Variants in ADGRG5 observed in about 807,000 individuals in gnomAD.
The protein encoded by ADGRG5 is G protein-coupled receptor 114.
ADGRG5 carries 37 observed loss-of-function variants against 53.2 expected under a neutral mutation model. The observed-to-expected ratio is 0.70, with a 90% CI of 0.53 to 0.91. The LOEUF is 0.91. ADGRG5 is among the 40% of genes least tolerant of loss of function. The pLI is 0.00. For missense variants in ADGRG5, 614 were observed against 675.8 expected (o/e 0.91, Z 1.01); for synonymous variants, 277 against 290.4 (o/e 0.95, Z 0.47).
chr16:57,548,728 T>G (rs1163791688), intron 1 of ADGRG5, among the ~76,000 whole-genome samples: 2 of 151,942 alleles, frequency 1.3e-5, no homozygotes, highest in East Asian at 1.9e-4. Flanking sequence ...GCTTTTTTTT[T>G]TTTTTTTTTG....
chr16:57,564,366 G>A (rs1381115216), intron 5 of ADGRG5, among the ~76,000 whole-genome samples: 1 of 150,068 alleles, frequency 6.7e-6, no homozygotes, highest in Non-Finnish European at 1.5e-5. Context: ...CTGGAGTGCA[G>A]TGGCATGATC....
At chr16:57,572,292 A>G (rs2033384759) in intron 10 of ADGRG5, among the ~76,000 whole-genome samples, 1 of 151,974 alleles carries the variant, frequency 6.6e-6, no homozygotes, top group South Asian at 2.1e-4. Flanking sequence ...TGGCTAACAC[A>G]GTGAAACCCC....
the ADGRG5 span, among the ~76,000 whole-genome samples, chr16:57,537,441 CG>C: frequency 2.1e-4 from 32 of 152,278 alleles, no homozygotes; most frequent in South Asian, 6.6e-3. Context: ...CCGTGATTAA[CG>C]GAGTTTAGAT....
Position 57,575,478 on chromosome 16 carries a change from C to A in ADGRG5, c.1527C>A (p.Arg509=). The A allele has an allele frequency of 6.2e-7, 1 of 1,614,192 alleles. No individual in the cohort carries two copies. The highest frequency in any genetic ancestry group is 8.5e-7 in the Non-Finnish European group (1 of 1,179,998). ...LFLWFCSQRC[R]SEAEAKAQIE... Reference sequence around the variant, plus strand: ...TGTGGTTCTGCTCCCAGCGGTGCCGCTCAGAAGCAGAGGCCAAGGCACAGA... The same window carrying A: ...TGTGGTTCTGCTCCCAGCGGTGCCGATCAGAAGCAGAGGCCAAGGCACAGA... The change falls in exon 12 of 12, where the codon CGC becomes CGA. Residue 509 remains arginine (R), a synonymous_variant. Coordinates refer to ENST00000349457, the MANE Select transcript of ADGRG5 (RefSeq NM_001304376.3).
the ADGRG5 span, among the ~76,000 whole-genome samples, chr16:57,535,234 G>GT: frequency 6.6e-6 from 1 of 152,184 alleles, no homozygotes; most frequent in Non-Finnish European, 1.5e-5. Flanking sequence ...CAGGACCTCT[G>GT]GGGGGAGCTG....
intron 9 of ADGRG5, among the ~76,000 whole-genome samples, chr16:57,569,718 C>T (rs373706754): frequency 1.3e-5 from 2 of 151,226 alleles, no homozygotes; most frequent in East Asian, 2.0e-4. Context: ...CTATCACCAT[C>T]GTCATCACAT....
At chr16:57,551,178 G>A (rs775541248) in intron 1 of ADGRG5, among the ~76,000 whole-genome samples, 6 of 152,136 alleles carry the variant, frequency 3.9e-5, no homozygotes, top group Admixed American at 6.5e-5. Flanking sequence ...CAAATCACAC[G>A]CTTTTTTGCT....
At chr16:57,561,129 G>C (rs757132422) in intron 1 of ADGRG5, among the ~76,000 whole-genome samples, 3 of 152,188 alleles carry the variant, frequency 2.0e-5, no homozygotes, top group Non-Finnish European at 2.9e-5. Flanking sequence ...AGAGGTTACT[G>C]ATGCCCCCAG....
At chr16:57,562,718 G>T (rs568665750) in intron 3 of ADGRG5, 18 of 552,732 alleles carry the variant, frequency 3.3e-5, no homozygotes, top group Non-Finnish European at 5.5e-5. Flanking sequence ...TTCCTGGGAA[G>T]GGGGTCTAAG....
intron 1 of ADGRG5, among the ~76,000 whole-genome samples, chr16:57,548,193 T>A (rs1187364345): frequency 2.6e-5 from 4 of 151,538 alleles, no homozygotes; most frequent in Non-Finnish European, 5.9e-5. Flanking sequence ...TTTTTTTTTT[T>A]AAAGAATACA....
At chr16:57,537,954 TCAGA>T (rs1438089177), upstream of ADGRG5, among the ~76,000 whole-genome samples, 1 of 152,168 alleles carries the variant, frequency 6.6e-6, no homozygotes, top group African/African-American at 2.4e-5. Flanking sequence ...GGCTCTTGGC[TCAGA>T]CTTGCACAAG....
intron 10 of ADGRG5, among the ~76,000 whole-genome samples, chr16:57,573,521 G>C (rs1390496266): frequency 6.6e-6 from 1 of 152,092 alleles, no homozygotes; most frequent in African/African-American, 2.4e-5. Context: ...TACAGTGTGG[G>C]AGTGGGCCAG....
chr16:57,563,272 G>A (rs1240715437), intron 4 of ADGRG5, 25 bp downstream of exon 4: 2 of 1,608,472 alleles, frequency 1.2e-6, no homozygotes, highest in South Asian at 1.1e-5. Flanking sequence ...GTTGGGGGGT[G>A]TGGCCAGCTG....
chr16:57,535,512 A>G, the ADGRG5 span, among the ~76,000 whole-genome samples: 2 of 151,944 alleles, frequency 1.3e-5, no homozygotes, highest in African/African-American at 4.8e-5. Context: ...GATCTTAGCC[A>G]CCTGAGGGGC....
chr16:57,548,585 C>T (rs571351838), intron 1 of ADGRG5, among the ~76,000 whole-genome samples: 6 of 152,070 alleles, frequency 3.9e-5, no homozygotes, highest in Non-Finnish European at 8.8e-5. Flanking sequence ...ATCCCTTGTG[C>T]GAGACCTTTA....
chr16:57,566,942 G>A (rs1301934099), intron 7 of ADGRG5, among the ~76,000 whole-genome samples, 191 bp downstream of exon 7: 2 of 152,172 alleles, frequency 1.3e-5, no homozygotes, highest in African/African-American at 4.8e-5. Flanking sequence ...TTGATCCACG[G>A]GCTGATCACT....
In ADGRG5 at chr16:57,570,549, G is replaced by A. The variant is rs757219871; in HGVS notation, c.1208+14G>A. ...GAACATGTCCATGTGAGTGCCCTCA[G>A]GGCTGCAGTGGGCTCCCTGGCTCTG... On this transcript the variant is annotated intron_variant, in intron 10 of 11. Transcript: ENST00000349457. 6.4e-7 allele frequency: 1 copy of A among 1,556,926 alleles called. No individual in the cohort carries two copies. Among genetic ancestry groups the A allele is most frequent in the East Asian group, 2.2e-5 (1 of 44,558 alleles).
rs777123480 is a variant in ADGRG5, at chr16:57,562,166, G to T, written c.64+9G>T. On this transcript the variant is annotated intron_variant, in intron 2 of 11. Transcript: ENST00000349457. ...GCAGAATGCAACAACAGGTAAGGGGGCTCTGCTGAACTGGGGGCAGCCCTA... is the reference window on the plus strand; with the variant it reads ...GCAGAATGCAACAACAGGTAAGGGGTCTCTGCTGAACTGGGGGCAGCCCTA... The T allele has an allele frequency of 2.2e-5, 35 of 1,595,652 alleles. No individual in the cohort carries two copies. Among genetic ancestry groups the T allele is most frequent in the East Asian group, 1.8e-4 (8 of 44,508 alleles).
In ADGRG5 at chr16:57,563,159, C is replaced by T; in HGVS notation, c.209C>T (p.Thr70Ile). Reference protein sequence around the residue: ...SFPGYNLTLQTPTIQSLAFKL... With the variant: ...SFPGYNLTLQIPTIQSLAFKL... ...CCAGGCTACAACCTGACCTTGCAGA[C>T]ACCCACCATCCAGTCTCTGGCCTTC... Residue 70 changes from threonine to isoleucine, a missense_variant, in exon 4 of 12, where the codon ACA becomes ATA. Transcript: ENST00000349457. 1 of 1,614,108 alleles carries T rather than the reference C, an allele frequency of 6.2e-7. No homozygotes were observed. The highest frequency in any genetic ancestry group is 8.5e-7 in the Non-Finnish European group (1 of 1,179,930).
Sources: gnomAD v4.1 joint callset for allele counts (sites outside exome capture counted in the v4.1 genomes callset) on GRCh38, gnomAD v4.1.1 for gene constraint, MANE v1.5 for transcripts, NCBI Gene and HGNC (gene_info 2026-07-23, HGNC 2026-07-21) for gene names.